The following TNIP1 variants were observed in gnomAD, a reference collection of about 807,000 sequenced individuals.
TNIP1 encodes the protein TNFAIP3 interacting protein 1, also known as TNFAIP3-interacting protein 1.
In TNIP1, 22 loss-of-function variants were observed where a neutral mutation model predicts 86.6. The observed-to-expected ratio is 0.25, with a 90% CI of 0.18 to 0.36. TNIP1 has a LOEUF of 0.36. TNIP1 is among the 10% of genes least tolerant of loss of function. TNIP1 has a pLI of 1.00. For synonymous variants in TNIP1, 294 were observed against 313.0 expected (o/e 0.94, Z 0.64); for missense variants, 709 against 820.6 (o/e 0.86, Z 1.66).
In TNIP1 at chr5:151,033,681, T is replaced by G. The variant is rs1325079024; in HGVS notation, c.1706A>C (p.Gln569Pro). The change falls in exon 16 of 18, where the codon CAG becomes CCG. Residue 569 changes from glutamine to proline, a missense_variant. Transcript: ENST00000521591. ...CATGGGGGGAGGGGGGTAGCGGATCTGGGACCAGTCCTCGAAGCCATGGTG... is the reference window on the plus strand; with the variant it reads ...CATGGGGGGAGGGGGGTAGCGGATCGGGGACCAGTCCTCGAAGCCATGGTG... ...VPHHGFEDWS[Q>P]IRYPPPPMAM... The G allele has an allele frequency of 1.7e-5, 23 of 1,350,180 alleles. No individual in the cohort carries two copies. Among genetic ancestry groups the G allele is most frequent in the Non-Finnish European group, 2.0e-5 (21 of 1,040,432 alleles). The allele number at this position is 1,350,180 out of a possible 1,614,324, so 83.6% of individuals were successfully genotyped here.
At chr5:151,074,870 C>T (rs965506918) in intron 1 of TNIP1, among the ~76,000 whole-genome samples, 2 of 152,162 alleles carry the variant, frequency 1.3e-5, no homozygotes, top group African/African-American at 4.8e-5. Context: ...CTTCCACCTC[C>T]CAGCCCAAGT....
chr5:151,067,775 C>T (rs1194917424), intron 1 of TNIP1, among the ~76,000 whole-genome samples: 2 of 152,144 alleles, frequency 1.3e-5, no homozygotes, highest in African/African-American at 4.8e-5. Flanking sequence ...AGCCCTTGAC[C>T]CCGACCCCGC....
At chr5:151,084,942 G>C (rs545847742), upstream of TNIP1, among the ~76,000 whole-genome samples, 1 of 152,358 alleles carries the variant, frequency 6.6e-6, no homozygotes, top group African/African-American at 2.4e-5. Flanking sequence ...AATTGTGGCA[G>C]TTTTTGGTAA....
At chr5:151,031,827 C>A (rs181282938) in intron 17 of TNIP1, among the ~76,000 whole-genome samples, 2 of 152,344 alleles carry the variant, frequency 1.3e-5, no homozygotes, top group East Asian at 3.9e-4. Context: ...CCACCCCTAC[C>A]TCTCCACCTA....
At chr5:151,083,815 G>C (rs376427983), upstream of TNIP1, among the ~76,000 whole-genome samples, 178 of 152,260 alleles carry the variant, frequency 1.2e-3, no homozygotes, top group African/African-American at 4.1e-3. Context: ...CTTAACTCTA[G>C]AGCAAGTTCC....
intron 3 of TNIP1, 144 bp from the exon 4 acceptor site, chr5:151,062,356 G>A (rs1761686607): frequency 1.4e-6 from 1 of 717,078 alleles, no homozygotes; most frequent in African/African-American, 1.8e-5. Flanking sequence ...GTCTCATCAG[G>A]GCCAGGTAGT....
Position 151,030,625 on chromosome 5 carries a change from C to A in TNIP1, c.*88G>T. ...TCTCATCCAGCTGAGGCTCTGGCCA[C>A]ACCGTGCAAGTGGCTTCTAGTTTCT... On this transcript the variant is annotated 3_prime_UTR_variant, in exon 18 of 18. Coordinates refer to ENST00000521591, the MANE Select transcript of TNIP1 (RefSeq NM_006058.5). 5.0e-6 allele frequency: 8 copies of A among 1,602,572 alleles called. No individual in the cohort carries two copies. The highest frequency in any genetic ancestry group is 6.0e-6 in the Non-Finnish European group (7 of 1,173,366).
intron 11 of TNIP1, among the ~76,000 whole-genome samples, chr5:151,040,767 CG>C (rs539363323): frequency 3.3e-4 from 50 of 152,254 alleles, no homozygotes; most frequent in African/African-American, 1.2e-3. Flanking sequence ...CCCATGCTGA[CG>C]GGAGGAACTG....
intron 15 of TNIP1, among the ~76,000 whole-genome samples, chr5:151,034,332 TGAAGGCTGGTACATAGACACG>T (rs1757376964): frequency 1.3e-5 from 1 of 74,340 alleles, no homozygotes; most frequent in Non-Finnish European, 2.7e-5. Context: ...ACATGGGCAG[TGAAGGCTGGTACATAGACACG>T]GAAGGCTGGT....
At chr5:151,032,835 G>T in intron 16 of TNIP1, 1 of 190,328 alleles carries the variant, frequency 5.3e-6, no homozygotes, top group Non-Finnish European at 1.1e-5. Flanking sequence ...ATGATAAGAA[G>T]GGAAAAGAGG....
intron 1 of TNIP1, among the ~76,000 whole-genome samples, chr5:151,068,275 C>CGGCA (rs1762469071): frequency 6.6e-6 from 1 of 152,170 alleles, no homozygotes; most frequent in South Asian, 2.1e-4. Context: ...AGATGGTCAG[C>CGGCA]GGCAGTCCCT....
At chr5:151,081,312 G>A (rs950004081), upstream of TNIP1, among the ~76,000 whole-genome samples, 1 of 152,122 alleles carries the variant, frequency 6.6e-6, no homozygotes, top group Non-Finnish European at 1.5e-5. Flanking sequence ...CGAAGGCCTG[G>A]GGCCACCTTG....
intron 17 of TNIP1, among the ~76,000 whole-genome samples, chr5:151,031,236 C>T (rs976111268): frequency 2.7e-4 from 41 of 152,344 alleles, no homozygotes; most frequent in African/African-American, 9.4e-4. Flanking sequence ...GTGTCCGTCC[C>T]ATGGCCTCTA....
At chr5:151,062,252 G>A (rs761482180) in intron 3 of TNIP1, 40 bp from the exon 4 acceptor site, 4 of 1,588,152 alleles carry the variant, frequency 2.5e-6, no homozygotes, top group Non-Finnish European at 3.5e-6. Context: ...GACTGGGAAG[G>A]GGAGAAGCCC....
intron 6 of TNIP1, among the ~76,000 whole-genome samples, chr5:151,053,108 T>C: frequency 6.9e-6 from 1 of 144,142 alleles, no homozygotes; most frequent in Non-Finnish European, 1.5e-5. Flanking sequence ...TCTCTTTTTT[T>C]TTTTTTTTTT....
chr5:151,036,941 G>A lies in TNIP1; in HGVS notation c.1264-20C>T. 1.9e-6 allele frequency: 3 copies of A among 1,579,366 alleles called. No homozygotes were observed. The highest frequency in any genetic ancestry group is 1.7e-6 in the Non-Finnish European group (2 of 1,161,658). On this transcript the variant is annotated intron_variant, in intron 12 of 17. Transcript: ENST00000521591. ...CAGGGCCTGGAATCAGGAAAAGATG[G>A]GACCATCAGCAGGAACCCCTGGAAA...
chr5:151,034,912 C>T (rs546506434), intron 15 of TNIP1, 90 bp downstream of exon 15: 11 of 1,453,208 alleles, frequency 7.6e-6, no homozygotes, highest in East Asian at 4.6e-5. Flanking sequence ...GATGTCCCCA[C>T]GCCCGAGCAC....
intron 8 of TNIP1, chr5:151,046,261 C>T: frequency 2.9e-6 from 1 of 343,414 alleles, no homozygotes; most frequent in South Asian, 3.7e-5. Flanking sequence ...TCTCCTCACT[C>T]CCTACACACA....
intron 17 of TNIP1, 64 bp downstream of exon 17, chr5:151,032,223 C>CTT (rs1189048492): frequency 6.2e-5 from 87 of 1,395,730 alleles, no homozygotes; most frequent in Non-Finnish European, 8.2e-5. Flanking sequence ...CAAACTCAGG[C>CTT]AATGCTGGCA....
Sources: allele counts gnomAD v4.1 joint callset (sites outside exome capture counted in the v4.1 genomes callset), GRCh38; gene constraint gnomAD v4.1.1; transcripts MANE v1.5; gene names NCBI Gene and HGNC (gene_info 2026-07-23, HGNC 2026-07-21).